LIN52: variants seen among roughly 807,000 people sequenced by gnomAD.
LIN52 encodes protein lin-52 homolog.
A neutral mutation model predicts 18.5 loss-of-function variants in LIN52; 4 were observed. That is an observed-to-expected ratio of 0.22 (90% CI 0.11 to 0.49). The LOEUF is 0.49. LIN52 is among the 20% of genes least tolerant of loss of function. The probability of loss-of-function intolerance (pLI) is 0.97; values close to 1 mark genes in which losing one functional copy is unlikely to be tolerated. For missense variants in LIN52, 102 were observed against 139.5 expected, an observed-to-expected ratio of 0.73 and a Z score of 1.35; for synonymous variants, 34 against 45.5, an observed-to-expected ratio of 0.75 and a Z score of 1.02.
chr14:74,194,915 C>A (rs1316088511), intron 5 of LIN52, among the ~76,000 whole-genome samples: 1 of 152,164 alleles, frequency 6.6e-6, no homozygotes, highest in African/African-American at 2.4e-5. Context: ...GAGGCCAAGG[C>A]GGGCAGATCA....
intron 2 of LIN52, among the ~76,000 whole-genome samples, chr14:74,092,991 G>A (rs893594033): frequency 4.0e-5 from 6 of 151,802 alleles, no homozygotes; most frequent in African/African-American, 1.2e-4. Context: ...TGCTCATGTC[G>A]CTCAGGCTGG....
rs1466927493 is a variant in LIN52, at chr14:74,198,912, G to A, written c.284-10G>A. The A allele has an allele frequency of 6.2e-7, 1 of 1,603,644 alleles. No homozygotes were observed. Among genetic ancestry groups the A allele is most frequent in the Admixed American group, 1.7e-5 (1 of 59,810 alleles). On this transcript the variant is annotated splice_polypyrimidine_tract_variant and intron_variant, in intron 5 of 5. Coordinates refer to ENST00000555028, the MANE Select transcript of LIN52 (RefSeq NM_001024674.3). ...TTTTCATTGATCATTTGTTTGCTTT[G>A]TGATTCCAGCCAGAGAGATGACACG...
intron 5 of LIN52, among the ~76,000 whole-genome samples, chr14:74,197,909 T>C (rs943018970): frequency 6.6e-6 from 1 of 152,218 alleles, no homozygotes; most frequent in Non-Finnish European, 1.5e-5. Flanking sequence ...AGGGTGAAGG[T>C]CCTTCTCATT....
intron 2 of LIN52, among the ~76,000 whole-genome samples, chr14:74,092,043 G>C (rs1302850619): frequency 6.6e-6 from 1 of 151,800 alleles, no homozygotes; most frequent in Non-Finnish European, 1.5e-5. Context: ...GTGCACTCGG[G>C]TCACTGCATC....
intron 5 of LIN52, among the ~76,000 whole-genome samples, chr14:74,158,120 TATA>T (rs2061207870): frequency 2.1e-5 from 1 of 48,552 alleles, no homozygotes; most frequent in Non-Finnish European, 4.3e-5. Context: ...TATATATATA[TATA>T]TATTTTTTTG....
intron 5 of LIN52, among the ~76,000 whole-genome samples, chr14:74,103,900 T>C (rs1443317918): frequency 4.0e-5 from 6 of 150,048 alleles, no homozygotes; most frequent in East Asian, 3.9e-4. Context: ...TTCTTTCTTT[T>C]TTTTTTTTTT....
chr14:74,146,182 A>G (rs2139550228), intron 5 of LIN52, among the ~76,000 whole-genome samples: 1 of 152,250 alleles, frequency 6.6e-6, no homozygotes, highest in Non-Finnish European at 1.5e-5. Context: ...CTGCCTTTTC[A>G]GAGAAGTATG....
intron 5 of LIN52, among the ~76,000 whole-genome samples, chr14:74,179,799 G>C (rs1566868429): frequency 6.6e-6 from 1 of 151,980 alleles, no homozygotes; most frequent in African/African-American, 2.4e-5. Context: ...TTATAATTTT[G>C]ATAAAATAAA....
chr14:74,190,120 A>C (rs2061357156), intron 5 of LIN52, among the ~76,000 whole-genome samples: 1 of 152,152 alleles, frequency 6.6e-6, no homozygotes, highest in Non-Finnish European at 1.5e-5. Flanking sequence ...TTAAAGTTAT[A>C]AAGTAAAATA....
intron 5 of LIN52, among the ~76,000 whole-genome samples, chr14:74,171,787 G>A (rs1023022429): frequency 1.5e-5 from 2 of 131,542 alleles, no homozygotes; most frequent in African/African-American, 6.1e-5. Flanking sequence ...CACCCAGTCT[G>A]GAGAGCAATG....
intron 5 of LIN52, among the ~76,000 whole-genome samples, chr14:74,183,803 C>T (rs1323810585): frequency 6.6e-6 from 1 of 152,112 alleles, no homozygotes; most frequent in Non-Finnish European, 1.5e-5. Context: ...TACGTTCATA[C>T]ATATCTCTAA....
Position 74,199,619 on chromosome 14 carries a change from C to T in LIN52, c.*642C>T, listed in dbSNP as rs1172351960. ...TCCCAGCCCCACCTTCTAGTTCTGA[C>T]TTCGGGCAGAGGGATCCCTGAGTCC... On this transcript the variant is annotated 3_prime_UTR_variant, in exon 6 of 6. Transcript: ENST00000555028. The T allele has an allele frequency of 6.6e-6, 1 of 152,254 alleles. No individual in the cohort carries two copies. The highest frequency in any genetic ancestry group is 1.5e-5 in the Non-Finnish European group (1 of 68,070). 9.4% of individuals were successfully genotyped at this position (152,254 alleles called of 1,614,324 possible).
Position 74,101,147 on chromosome 14 carries a change from T to A in LIN52, c.200-8T>A. On this transcript the variant is annotated splice_region_variant and splice_polypyrimidine_tract_variant and intron_variant, in intron 4 of 5. Coordinates refer to ENST00000555028, the MANE Select transcript of LIN52 (RefSeq NM_001024674.3). The stretch of plus-strand genomic sequence containing the variant: ...GAAATGATGTTGAAATAAATGATTC[T>A]GTTTCAGAACTGGGGAGTCTCACCA... 6.2e-7 allele frequency: 1 copy of A among 1,608,280 alleles called. No homozygotes were observed. Among genetic ancestry groups the A allele is most frequent in the Non-Finnish European group, 8.5e-7 (1 of 1,176,798 alleles).
chr14:74,093,113 A>T (rs1394808651), intron 2 of LIN52, among the ~76,000 whole-genome samples: 1 of 150,760 alleles, frequency 6.6e-6, no homozygotes, highest in Non-Finnish European at 1.5e-5. Flanking sequence ...CACAATGCTC[A>T]GCTAATTTTT....
intron 5 of LIN52, among the ~76,000 whole-genome samples, chr14:74,174,174 A>T (rs1474941670): frequency 6.6e-6 from 1 of 152,182 alleles, no homozygotes; most frequent in African/African-American, 2.4e-5. Flanking sequence ...GAAGTGTACA[A>T]GTCAATGGGT....
intron 5 of LIN52, among the ~76,000 whole-genome samples, chr14:74,122,454 T>C (rs1445223917): frequency 6.6e-6 from 1 of 152,246 alleles, no homozygotes; most frequent in Non-Finnish European, 1.5e-5. Flanking sequence ...TGATTATTCA[T>C]TGTAGTATTC....
At chr14:74,109,104 T>C (rs1263799106) in intron 5 of LIN52, among the ~76,000 whole-genome samples, 7 of 152,222 alleles carry the variant, frequency 4.6e-5, no homozygotes, top group Non-Finnish European at 1.0e-4. Context: ...AATTAATTCT[T>C]TCGCATGTGG....
intron 5 of LIN52, among the ~76,000 whole-genome samples, chr14:74,196,172 G>A (rs562861930): frequency 6.6e-6 from 1 of 152,168 alleles, no homozygotes; most frequent in South Asian, 2.1e-4. Context: ...TAGGTTGAAG[G>A]GGGAGGAATG....
At chr14:74,107,907 T>TGGG (rs2060906787) in intron 5 of LIN52, among the ~76,000 whole-genome samples, 1 of 152,160 alleles carries the variant, frequency 6.6e-6, no homozygotes, top group Non-Finnish European at 1.5e-5. Flanking sequence ...AATTCCCCAT[T>TGGG]TATAGTGTGC....
Sources: gnomAD v4.1 joint callset for allele counts (sites outside exome capture counted in the v4.1 genomes callset) on GRCh38, gnomAD v4.1.1 for gene constraint, MANE v1.5 for transcripts, NCBI Gene and HGNC (gene_info 2026-07-23, HGNC 2026-07-21) for gene names.